ZNF578: variants seen among roughly 807,000 people sequenced by gnomAD.
ZNF578 encodes the protein Putative chemokine-related protein B42.
Under a neutral mutation model 8.3 loss-of-function variants are expected in ZNF578, and 8 were observed. The ratio of observed to expected loss-of-function variants is 0.96; its 90% CI spans 0.56 to 1.74. The LOEUF (loss-of-function observed/expected upper bound fraction) is 1.74. Among genes scored for constraint, ZNF578 ranks in the 40% most tolerant of loss-of-function variants. The pLI is 0.00. For missense variants in ZNF578, 726 were observed against 707.5 expected, an observed-to-expected ratio of 1.03 and a Z score of -0.30; for synonymous variants, 206 against 232.2, an observed-to-expected ratio of 0.89 and a Z score of 1.03.
At position 52,512,952 on chromosome 19, in the gene ZNF578, C is replaced by T. The variant is rs1568469120; in HGVS notation, c.*798C>T. The stretch of plus-strand genomic sequence containing the variant: ...CCCAGCACATTGGGAGGCCAAGGCA[C>T]ATAGGTCACTTGAGGTCAAGAGTTT... On this transcript the variant is annotated 3_prime_UTR_variant, in exon 6 of 6. Transcript: ENST00000421239. 6.6e-6 allele frequency among the ~76,000 whole-genome samples: 1 copy of T among 151,382 alleles called. No individual in the cohort carries two copies.
chr19:52,515,118 C>A lies in ZNF578; in HGVS notation c.*2964C>A, dbSNP rs147201858. 6.6e-6 allele frequency among the ~76,000 whole-genome samples: 1 copy of A among 151,676 alleles called. No individual in the cohort carries two copies. Among genetic ancestry groups the A allele is most frequent in the Non-Finnish European group, 1.5e-5 (1 of 67,998 alleles). ...AGTTGGGATTACAGGTGCCCTCCAC[C>A]ACTCCCGGCTCATTTTTTGCATTTT... On this transcript the variant is annotated 3_prime_UTR_variant, in exon 6 of 6. Coordinates refer to ENST00000421239, the MANE Select transcript of ZNF578 (RefSeq NM_001099694.2).
At chr19:52,480,854 C>G (rs978067534) in intron 2 of ZNF578, among the ~76,000 whole-genome samples, 1 of 150,504 alleles carries the variant, frequency 6.6e-6, no homozygotes, top group Admixed American at 6.6e-5. Context: ...CGTGATCACG[C>G]CACCGCACCC....
At chr19:52,509,529 C>A (rs192227250) in intron 5 of ZNF578, among the ~76,000 whole-genome samples, 1 of 152,186 alleles carries the variant, frequency 6.6e-6, no homozygotes, top group Non-Finnish European at 1.5e-5. Flanking sequence ...TGGCTCACAC[C>A]GGCAATCCCA....
chr19:52,504,546 C>T (rs2447419), intron 4 of ZNF578, 109 bp from the exon 5 acceptor site: 1 of 1,568,560 alleles, frequency 6.4e-7, no homozygotes, highest in Admixed American at 2.1e-5. Context: ...GGTTTTGTCA[C>T]AACACAGTCT....
intron 4 of ZNF578, among the ~76,000 whole-genome samples, chr19:52,502,507 C>T (rs2059411332): frequency 1.3e-5 from 2 of 150,866 alleles, no homozygotes; most frequent in African/African-American, 4.9e-5. Flanking sequence ...GAGGCCAAGG[C>T]AGGAAGATCA....
At chr19:52,473,971 T>C in intron 2 of ZNF578, 1 of 376,310 alleles carries the variant, frequency 2.7e-6, no homozygotes. Context: ...TCTTACCACA[T>C]TCATTACTTT....
chr19:52,474,855 T>C (rs777269667), intron 2 of ZNF578: 4 of 205,528 alleles, frequency 1.9e-5, no homozygotes, highest in Non-Finnish European at 4.2e-5. Context: ...AAGGTTTGAA[T>C]TGCAACTAAA....
chr19:52,484,771 C>G (rs892442008), intron 2 of ZNF578, among the ~76,000 whole-genome samples: 3 of 150,790 alleles, frequency 2.0e-5, no homozygotes, highest in Non-Finnish European at 4.4e-5. Context: ...ACTCTGCCCG[C>G]CAGAGAACAA....
intron 3 of ZNF578, among the ~76,000 whole-genome samples, chr19:52,493,137 G>A (rs1232281771): frequency 6.6e-6 from 1 of 152,014 alleles, no homozygotes; most frequent in Non-Finnish European, 1.5e-5. Flanking sequence ...TGACTCTCCC[G>A]CCCCGTGCTT....
At chr19:52,459,631 AC>A (rs2059249950) in intron 2 of ZNF578, among the ~76,000 whole-genome samples, 3 of 137,210 alleles carry the variant, frequency 2.2e-5, no homozygotes, top group Middle Eastern at 7.3e-3. Flanking sequence ...ACACACACAC[AC>A]ACACACACAC....
intron 2 of ZNF578, among the ~76,000 whole-genome samples, chr19:52,487,617 A>G (rs564388063): frequency 2.0e-5 from 3 of 152,232 alleles, no homozygotes; most frequent in African/African-American, 4.8e-5. Flanking sequence ...ACCGTCTGTT[A>G]TTACATAATA....
chr19:52,487,288 C>T (rs114197427), intron 2 of ZNF578, among the ~76,000 whole-genome samples: 9,866 of 152,206 alleles, frequency 0.065, 354 homozygotes, highest in Middle Eastern at 0.15. Context: ...GAGATCATGC[C>T]ACTATACTGC....
intron 3 of ZNF578, among the ~76,000 whole-genome samples, chr19:52,493,396 A>G (rs1333470628): frequency 6.6e-6 from 1 of 152,096 alleles, no homozygotes; most frequent in African/African-American, 2.4e-5. Context: ...GGCAGGTCCC[A>G]GGGGCTTGTC....
intron 5 of ZNF578, among the ~76,000 whole-genome samples, chr19:52,510,263 G>GTT (rs201895883): frequency 4.0e-5 from 6 of 151,622 alleles, no homozygotes; most frequent in African/African-American, 1.5e-4. Flanking sequence ...ACAGTGATAT[G>GTT]TTTTTTGCAA....
intron 2 of ZNF578, among the ~76,000 whole-genome samples, chr19:52,475,634 G>A (rs1052909577): frequency 2.6e-5 from 4 of 152,158 alleles, no homozygotes; most frequent in African/African-American, 4.8e-5. Flanking sequence ...TGGGATTATA[G>A]GCGTGAGCCA....
intron 3 of ZNF578, among the ~76,000 whole-genome samples, chr19:52,497,144 G>C (rs1009348016): frequency 2.0e-5 from 3 of 152,074 alleles, no homozygotes; most frequent in African/African-American, 7.2e-5. Flanking sequence ...CTGTCACCCA[G>C]GCTGGAGTGC....
At chr19:52,494,468 G>A (rs967205663) in intron 3 of ZNF578, among the ~76,000 whole-genome samples, 3 of 152,248 alleles carry the variant, frequency 2.0e-5, no homozygotes, top group Non-Finnish European at 4.4e-5. Context: ...CTGTACTCCA[G>A]CCTGGTCAAA....
rs145687564 is a variant in ZNF578, at chr19:52,500,966, T to C, written c.-19-861T>C. On this transcript the variant is annotated intron_variant, in intron 3 of 5. Coordinates refer to ENST00000421239, the MANE Select transcript of ZNF578 (RefSeq NM_001099694.2). ...GGATCTCGGCTCACTGCAACCTCTGTCTCCTGGCTTCAAGCAATTCTCCTG... is the reference window on the plus strand; with the variant it reads ...GGATCTCGGCTCACTGCAACCTCTGCCTCCTGGCTTCAAGCAATTCTCCTG... Among the ~76,000 whole-genome samples the C allele has an allele frequency of 4.3e-3, 647 of 151,278 alleles. 5 individuals are homozygous for C. Among genetic ancestry groups the C allele is most frequent in the African/African-American group, 0.015 (614 of 41,258 alleles).
At chr19:52,497,315 C>T (rs1459612966) in intron 3 of ZNF578, among the ~76,000 whole-genome samples, 1 of 152,242 alleles carries the variant, frequency 6.6e-6, no homozygotes, top group Non-Finnish European at 1.5e-5. Context: ...CCAGGCTGGT[C>T]TCAAACTCCT....
Sources: allele counts gnomAD v4.1 joint callset (sites outside exome capture counted in the v4.1 genomes callset), GRCh38; gene constraint gnomAD v4.1.1; transcripts MANE v1.5; gene names NCBI Gene and HGNC (gene_info 2026-07-23, HGNC 2026-07-21).